Variants in R3HCC1L observed in about 807,000 individuals in gnomAD.
R3HCC1L encodes R3H domain and coiled-coil containing 1 like.
R3HCC1L carries 51 observed loss-of-function variants against 59.9 expected under a neutral mutation model. The ratio of observed to expected loss-of-function variants is 0.85; its 90% CI spans 0.68 to 1.07. The LOEUF (loss-of-function observed/expected upper bound fraction) is 1.07, where lower values mean the gene tolerates loss of function less well. R3HCC1L is among the 50% of genes least tolerant of loss of function. The probability of loss-of-function intolerance (pLI) is 0.00; values close to 1 mark genes in which losing one functional copy is unlikely to be tolerated. For missense variants in R3HCC1L, 965 were observed against 933.0 expected (o/e 1.03, Z -0.45); for synonymous variants, 322 against 315.2 (o/e 1.02, Z -0.23).
chr10:98,216,391 G>C (rs1056706628), intron 5 of R3HCC1L, among the ~76,000 whole-genome samples: 1 of 152,070 alleles, frequency 6.6e-6, no homozygotes, highest in Non-Finnish European at 1.5e-5. Context: ...GCATGTGCCT[G>C]TGGTCCCAGC....
chr10:98,135,825 C>T (rs1048071555), intron 1 of R3HCC1L, among the ~76,000 whole-genome samples: 6 of 152,338 alleles, frequency 3.9e-5, no homozygotes, highest in Admixed American at 3.9e-4. Context: ...AGTAAACGTT[C>T]CTCAGATATG....
At chr10:98,211,132 A>G (rs1853516618) in intron 5 of R3HCC1L, among the ~76,000 whole-genome samples, 1 of 152,180 alleles carries the variant, frequency 6.6e-6, no homozygotes, top group South Asian at 2.1e-4. Context: ...AGCCCCTTGA[A>G]TTACATGCAA....
intron 5 of R3HCC1L, among the ~76,000 whole-genome samples, chr10:98,224,496 A>G (rs1324377520): frequency 1.3e-5 from 2 of 152,210 alleles, no homozygotes; most frequent in Non-Finnish European, 2.9e-5. Context: ...CTTGTTTTCA[A>G]GACCAGACTG....
At position 98,219,262 on chromosome 10, in the gene R3HCC1L, C is replaced by T. The variant is rs118125290; in HGVS notation, c.1785+9363C>T. On this transcript the variant is annotated intron_variant, in intron 5 of 9. Coordinates refer to ENST00000298999, the MANE Select transcript of R3HCC1L (RefSeq NM_001351015.2). ...AAGTCTGTTTTATCTTACATAACTACCCCCGCTTTGCTTTTAGTTTCTGTT... is the reference window on the plus strand; with the variant it reads ...AAGTCTGTTTTATCTTACATAACTATCCCCGCTTTGCTTTTAGTTTCTGTT... 2.5e-4 allele frequency among the ~76,000 whole-genome samples: 38 copies of T among 152,230 alleles called. No homozygotes were observed. The East Asian group carries it at 7.0e-3, about 28-fold the overall frequency.
At chr10:98,235,551 G>A (rs1856837457) in intron 8 of R3HCC1L, 31 bp downstream of exon 8, 2 of 1,521,546 alleles carry the variant, frequency 1.3e-6, no homozygotes, top group African/African-American at 1.4e-5. Flanking sequence ...TTTTTTTCTT[G>A]CTGATGGTGG....
chr10:98,197,281 T>C (rs1184157743), intron 4 of R3HCC1L, among the ~76,000 whole-genome samples: 1 of 152,134 alleles, frequency 6.6e-6, no homozygotes, highest in African/African-American at 2.4e-5. Flanking sequence ...GTGCCAAAAT[T>C]GTCCTGCCTC....
intron 4 of R3HCC1L, among the ~76,000 whole-genome samples, chr10:98,186,305 T>C (rs1260530048): frequency 1.3e-5 from 2 of 152,156 alleles, no homozygotes; most frequent in Non-Finnish European, 2.9e-5. Context: ...ACAGTTTGGT[T>C]CCTTCGGTTT....
chr10:98,184,818 C>T (rs910279848), intron 4 of R3HCC1L, among the ~76,000 whole-genome samples: 2 of 152,142 alleles, frequency 1.3e-5, no homozygotes, highest in African/African-American at 4.8e-5. Flanking sequence ...CTTCCCCTAG[C>T]TGCAGGTCCA....
intron 4 of R3HCC1L, among the ~76,000 whole-genome samples, chr10:98,190,610 A>G (rs1050575604): frequency 2.0e-5 from 3 of 152,220 alleles, no homozygotes; most frequent in Admixed American, 2.0e-4. Flanking sequence ...AGAATTCTAG[A>G]TTAAAAGTAA....
chr10:98,178,078 T>C (rs1849225931), intron 4 of R3HCC1L, among the ~76,000 whole-genome samples: 1 of 152,216 alleles, frequency 6.6e-6, no homozygotes, highest in African/African-American at 2.4e-5. Context: ...CATTTGTCTA[T>C]TTTGGCTTTC....
chr10:98,244,379 G>A lies in R3HCC1L; in HGVS notation c.*221G>A, dbSNP rs1857888501. ...ACCCTACTGTGGTGGGCGTAGTAGG[G>A]AGCCATCAGCTAGGAAGAAACGTGG... is the stretch of plus-strand genomic sequence containing the variant. On this transcript the variant is annotated 3_prime_UTR_variant, in exon 10 of 10. Coordinates refer to ENST00000298999, the MANE Select transcript of R3HCC1L (RefSeq NM_001351015.2). The A allele has an allele frequency of 1.2e-5, 5 of 417,100 alleles. No homozygotes were observed. Among genetic ancestry groups the A allele is most frequent in the South Asian group, 1.0e-4 (3 of 28,800 alleles). 25.8% of individuals were successfully genotyped at this position (417,100 alleles called of 1,614,324 possible).
At chr10:98,137,938 T>C (rs934273285) in intron 1 of R3HCC1L, among the ~76,000 whole-genome samples, 3 of 151,638 alleles carry the variant, frequency 2.0e-5, no homozygotes, top group East Asian at 1.9e-4. Flanking sequence ...TTTAAGCTTA[T>C]TGGATAGGGT....
intron 5 of R3HCC1L, among the ~76,000 whole-genome samples, chr10:98,225,443 A>G (rs1294468604): frequency 1.3e-5 from 2 of 152,198 alleles, no homozygotes; most frequent in Admixed American, 1.3e-4. Flanking sequence ...TAGGAAAGAA[A>G]GTTCCATTAA....
At chr10:98,235,115 C>G (rs1408793972) in intron 7 of R3HCC1L, among the ~76,000 whole-genome samples, 2 of 152,154 alleles carry the variant, frequency 1.3e-5, no homozygotes, top group African/African-American at 4.8e-5. Flanking sequence ...CTACTTAACT[C>G]TGCTGTTGGA....
At chr10:98,194,785 G>C (rs1213187584) in intron 4 of R3HCC1L, among the ~76,000 whole-genome samples, 2 of 149,918 alleles carry the variant, frequency 1.3e-5, no homozygotes, top group African/African-American at 4.9e-5. Flanking sequence ...TCACACCTAA[G>C]ATGGCCGCCA....
chr10:98,142,121 T>C (rs1845200894), intron 1 of R3HCC1L, among the ~76,000 whole-genome samples: 1 of 152,240 alleles, frequency 6.6e-6, no homozygotes, highest in African/African-American at 2.4e-5. Context: ...TTTTCTTGGC[T>C]TTTAAGCTCT....
At chr10:98,180,796 C>T (rs982169973) in intron 4 of R3HCC1L, among the ~76,000 whole-genome samples, 6 of 152,114 alleles carry the variant, frequency 3.9e-5, no homozygotes, top group African/African-American at 1.4e-4. Context: ...ATCCCTTTAC[C>T]ATTATGTAAT....
intron 4 of R3HCC1L, among the ~76,000 whole-genome samples, chr10:98,207,133 G>A (rs150895971): frequency 6.3e-4 from 96 of 152,170 alleles, no homozygotes; most frequent in African/African-American, 2.0e-3. Context: ...TGAAATGTAC[G>A]TTGTGAAATG....
At chr10:98,205,869 G>A (rs992750892) in intron 4 of R3HCC1L, among the ~76,000 whole-genome samples, 8 of 152,262 alleles carry the variant, frequency 5.3e-5, no homozygotes, top group African/African-American at 1.7e-4. Flanking sequence ...TCTAGTATAT[G>A]TCAGTCATCC....
Sources: gnomAD v4.1 joint callset for allele counts (sites outside exome capture counted in the v4.1 genomes callset) on GRCh38, gnomAD v4.1.1 for gene constraint, MANE v1.5 for transcripts, NCBI Gene and HGNC (gene_info 2026-07-23, HGNC 2026-07-21) for gene names.